The following IGSF11 variants were observed in gnomAD, a reference collection of about 807,000 sequenced individuals.
IGSF11 encodes CXADR like 1.
Under a neutral mutation model 41.0 loss-of-function variants are expected in IGSF11, and 22 were observed. That is an observed-to-expected ratio of 0.54 (90% confidence interval 0.38 to 0.77). IGSF11 has a LOEUF of 0.77. Among genes scored for constraint, IGSF11 ranks in the 30% least tolerant of loss-of-function variants. IGSF11 has a pLI of 0.00. For missense variants in IGSF11, 444 were observed against 530.8 expected, an observed-to-expected ratio of 0.84 and a Z score of 1.61; for synonymous variants, 219 against 201.3, an observed-to-expected ratio of 1.09 and a Z score of -0.74.
intron 1 of IGSF11, among the ~76,000 whole-genome samples, chr3:119,067,133 T>TA (rs1192107690): frequency 6.6e-6 from 1 of 152,186 alleles, no homozygotes; most frequent in African/African-American, 2.4e-5. Context: ...TCCATGTATT[T>TA]AAAAAATGAT....
intron 1 of IGSF11, among the ~76,000 whole-genome samples, chr3:118,969,412 T>G (rs1201027889): frequency 6.6e-6 from 1 of 152,078 alleles, no homozygotes; most frequent in Admixed American, 6.6e-5. Context: ...CAGTAGACAC[T>G]AGGCTATGAG....
At chr3:118,951,927 T>A (rs1365840915) in intron 1 of IGSF11, among the ~76,000 whole-genome samples, 2 of 152,140 alleles carry the variant, frequency 1.3e-5, no homozygotes, top group African/African-American at 4.8e-5. Flanking sequence ...CATGGCTGCA[T>A]AACCCACAAA....
At chr3:119,042,070 C>A (rs1417540649) in intron 1 of IGSF11, among the ~76,000 whole-genome samples, 1 of 152,154 alleles carries the variant, frequency 6.6e-6, no homozygotes, top group African/African-American at 2.4e-5. Context: ...ATGCATCACA[C>A]CAATTGGATT....
chr3:119,038,513 A>G (rs1940996324), upstream of IGSF11, among the ~76,000 whole-genome samples: 1 of 152,068 alleles, frequency 6.6e-6, no homozygotes, highest in African/African-American at 2.4e-5. Flanking sequence ...TTGAAGCCCT[A>G]ATTTATTTTT....
intron 1 of IGSF11, among the ~76,000 whole-genome samples, chr3:119,110,699 A>G (rs2077139271): frequency 6.6e-6 from 1 of 152,026 alleles, no homozygotes; most frequent in Admixed American, 6.5e-5. Context: ...TGGTCTTTAC[A>G]TTTTGGCATG....
Position 119,075,859 on chromosome 3 carries a change from C to T in IGSF11, c.49+29285G>A, listed in dbSNP as rs868006314. ...CCCAAGGTAATTTATAGATTCAATG[C>T]CATCCCCATCAAGCTACCAATGACT... On this transcript the variant is annotated intron_variant, in intron 1 of 6. Coordinates refer to the IGSF11 transcript ENST00000354673. 3.2e-4 allele frequency among the ~76,000 whole-genome samples: 49 copies of T among 152,238 alleles called. No individual in the cohort carries two copies. In the Middle Eastern group the frequency reaches 0.024, roughly 74 times the overall value.
chr3:119,051,648 C>A (rs991080412), intron 1 of IGSF11, among the ~76,000 whole-genome samples: 8 of 152,290 alleles, frequency 5.3e-5, no homozygotes, highest in African/African-American at 1.9e-4. Flanking sequence ...ATTTACAGAA[C>A]ATTCTACCCA....
chr3:119,125,741 A>G (rs1282947674), intron 1 of IGSF11, among the ~76,000 whole-genome samples: 1 of 152,108 alleles, frequency 6.6e-6, no homozygotes, highest in Non-Finnish European at 1.5e-5. Context: ...TCTCTCATCA[A>G]AATTGAGTAG....
At chr3:119,126,889 C>G (rs1443502630) in intron 1 of IGSF11, among the ~76,000 whole-genome samples, 4 of 152,178 alleles carry the variant, frequency 2.6e-5, no homozygotes, top group Non-Finnish European at 5.9e-5. Context: ...TCAGCAGCCT[C>G]AAAGTCCAAA....
At chr3:118,903,351 T>C (rs1321676592) in intron 6 of IGSF11, among the ~76,000 whole-genome samples, 1 of 151,872 alleles carries the variant, frequency 6.6e-6, no homozygotes, top group Non-Finnish European at 1.5e-5. Context: ...AGTATCTTGC[T>C]TTATATATAT....
chr3:119,010,290 C>A (rs1032411131), intron 1 of IGSF11, among the ~76,000 whole-genome samples: 3 of 152,118 alleles, frequency 2.0e-5, no homozygotes, highest in African/African-American at 7.2e-5. Flanking sequence ...CCTTCTCACT[C>A]CACTGTCTTG....
intron 1 of IGSF11, among the ~76,000 whole-genome samples, chr3:119,087,510 A>T (rs1484537046): frequency 6.6e-6 from 1 of 152,160 alleles, no homozygotes. Flanking sequence ...ATTTTAAGTG[A>T]AGTAACTCAG....
At chr3:119,009,007 C>T (rs2107689857) in intron 1 of IGSF11, among the ~76,000 whole-genome samples, 1 of 152,234 alleles carries the variant, frequency 6.6e-6, no homozygotes, top group South Asian at 2.1e-4. Flanking sequence ...GACTTGCCAG[C>T]CTCCATATAC....
chr3:119,062,283 T>A (rs1338814059), intron 1 of IGSF11, among the ~76,000 whole-genome samples: 2 of 152,198 alleles, frequency 1.3e-5, no homozygotes, highest in African/African-American at 2.4e-5. Context: ...AAGAAAATAT[T>A]TGAATTTAAT....
At chr3:119,044,061 T>A (rs1177203926) in intron 1 of IGSF11, among the ~76,000 whole-genome samples, 2 of 151,726 alleles carry the variant, frequency 1.3e-5, no homozygotes, top group African/African-American at 4.8e-5. Context: ...CAAGAAAAAA[T>A]CTCTGAATTG....
At position 118,974,162 on chromosome 3, in the gene IGSF11, C is replaced by T. The variant is rs528919663; in HGVS notation, c.53-43887G>A. On this transcript the variant is annotated intron_variant, in intron 1 of 6. Transcript: ENST00000393775. ...AAATAGGGTTCATACAGAAGAGCTACAGGAGATAAAGTGGGTTGGTCTCTC... is the reference window on the plus strand; with the variant it reads ...AAATAGGGTTCATACAGAAGAGCTATAGGAGATAAAGTGGGTTGGTCTCTC... Among the ~76,000 whole-genome samples, 180 of 151,318 alleles carry T rather than the reference C, an allele frequency of 1.2e-3. 1 individual carries two copies. Among genetic ancestry groups the T allele is most frequent in the Middle Eastern group, 3.4e-3 (1 of 292 alleles).
intron 1 of IGSF11, among the ~76,000 whole-genome samples, chr3:119,122,202 C>A (rs2077342493): frequency 6.6e-6 from 1 of 152,206 alleles, no homozygotes; most frequent in Non-Finnish European, 1.5e-5. Flanking sequence ...TCCCAAACTC[C>A]TGGCAGCAGC....
intron 1 of IGSF11, among the ~76,000 whole-genome samples, chr3:119,066,884 C>A (rs1342894863): frequency 6.6e-6 from 1 of 152,150 alleles, no homozygotes; most frequent in Non-Finnish European, 1.5e-5. Context: ...TTTTATACAT[C>A]TATTTCATTT....
upstream of IGSF11, among the ~76,000 whole-genome samples, chr3:119,107,998 G>A (rs1412965144): frequency 4.0e-5 from 6 of 151,274 alleles, no homozygotes; most frequent in African/African-American, 9.7e-5. Context: ...TAGCCTTGTA[G>A]TATAGTTTGA....
Sources: gnomAD v4.1 joint callset for allele counts (sites outside exome capture counted in the v4.1 genomes callset) on GRCh38, gnomAD v4.1.1 for gene constraint, MANE v1.5 for transcripts, NCBI Gene and HGNC (gene_info 2026-07-23, HGNC 2026-07-21) for gene names.